DLGAP4: variants seen among roughly 807,000 people sequenced by gnomAD.
The protein encoded by DLGAP4 is disks large-associated protein 4.
A neutral mutation model predicts 86.9 loss-of-function variants in DLGAP4; 18 were observed. That is an observed-to-expected ratio of 0.21 (90% CI 0.14 to 0.31). The LOEUF (loss-of-function observed/expected upper bound fraction) is 0.31, where lower values mean the gene tolerates loss of function less well. Among genes scored for constraint, DLGAP4 ranks in the 10% least tolerant of loss-of-function variants. The probability of loss-of-function intolerance (pLI) is 1.00; values close to 1 mark genes in which losing one functional copy is unlikely to be tolerated. For synonymous variants in DLGAP4, 548 were observed against 574.3 expected, an observed-to-expected ratio of 0.95 and a Z score of 0.65; for missense variants, 1,085 against 1,362.6, an observed-to-expected ratio of 0.80 and a Z score of 3.21.
chr20:36,375,583 T>C (rs1047999209), intron 2 of DLGAP4, among the ~76,000 whole-genome samples: 5 of 152,150 alleles, frequency 3.3e-5, no homozygotes, highest in Admixed American at 6.5e-5. Context: ...CCATCAGCGA[T>C]GACAGGTGAG....
chr20:36,526,575 G>A (rs944735196), intron 12 of DLGAP4, among the ~76,000 whole-genome samples: 4 of 152,036 alleles, frequency 2.6e-5, no homozygotes, highest in Admixed American at 6.5e-5. Flanking sequence ...GGATCTGCCC[G>A]TCCCCGCTGC....
Position 36,496,925 on chromosome 20 carries a change from G to C in DLGAP4, c.1869G>C (p.Arg623=). ...GTACCCGACCGCCCAGCGTGACACGGGGTGGAGTCGCCCCAGCCCCTGAGG... is the reference window on the plus strand; with the variant it reads ...GTACCCGACCGCCCAGCGTGACACGCGGTGGAGTCGCCCCAGCCCCTGAGG... The part of the protein sequence containing the change: ...DSSTRPPSVT[R]GGVAPAPEAP... Residue 623 remains arginine, a synonymous_variant, in exon 8 of 13, where the codon CGG becomes CGC. Transcript: ENST00000339266. 3 of 1,614,174 alleles carry C rather than the reference G, an allele frequency of 1.9e-6. No homozygotes were observed. Among genetic ancestry groups the C allele is most frequent in the Non-Finnish European group, 2.5e-6 (3 of 1,180,024 alleles).
intron 2 of DLGAP4, among the ~76,000 whole-genome samples, chr20:36,394,260 A>G (rs1334970329): frequency 1.3e-5 from 2 of 152,186 alleles, no homozygotes; most frequent in Admixed American, 1.3e-4. Flanking sequence ...GTGTGGTTAG[A>G]TGTTTATGAT....
intron 7 of DLGAP4, chr20:36,493,076 C>G (rs1456872289): frequency 6.6e-6 from 1 of 152,040 alleles, no homozygotes; most frequent in Non-Finnish European, 1.5e-5. Flanking sequence ...GTGTCTGTAC[C>G]AGAAATGAGG....
At chr20:36,499,112 G>A (rs1159624184) in intron 8 of DLGAP4, 1 of 897,898 alleles carries the variant, frequency 1.1e-6, no homozygotes, top group African/African-American at 1.7e-5. Context: ...AGGGTTCAGG[G>A]AGTGATCTTT....
intron 2 of DLGAP4, among the ~76,000 whole-genome samples, chr20:36,420,683 C>A (rs954514562): frequency 2.0e-5 from 3 of 151,920 alleles, no homozygotes; most frequent in Non-Finnish European, 4.4e-5. Context: ...ATAAAAAACA[C>A]AAAAATTAGG....
Position 36,461,490 on chromosome 20 carries a change from C to T in DLGAP4, c.1648+14553C>T, listed in dbSNP as rs966562343. 17 of 982,170 alleles carry T rather than the reference C, an allele frequency of 1.7e-5. No individual in the cohort carries two copies. The African/African-American group carries it at 2.3e-4, about 13-fold the overall frequency. The allele number at this position is 982,170 out of a possible 1,614,324, so 60.8% of individuals were successfully genotyped here. On this transcript the variant is annotated intron_variant, in intron 7 of 12. Coordinates refer to ENST00000339266, the MANE Select transcript of DLGAP4 (RefSeq NM_001365621.2). ...GGCGTACAAAACCGGAGCCTCGGGC[C>T]GGGCTGCGTGAGGGAGGAGGGTGAG...
chr20:36,309,120 C>G (rs74272534), intron 1 of DLGAP4, among the ~76,000 whole-genome samples: 8 of 152,178 alleles, frequency 5.3e-5, no homozygotes, highest in African/African-American at 1.9e-4. Flanking sequence ...TCCCCAGCCC[C>G]CTTCTCCCAC....
intron 3 of DLGAP4, among the ~76,000 whole-genome samples, chr20:36,433,909 G>A (rs2033198975): frequency 6.6e-6 from 1 of 151,584 alleles, no homozygotes; most frequent in Non-Finnish European, 1.5e-5. Flanking sequence ...GCCTCCCAAA[G>A]TGCAGGGATT....
intron 10 of DLGAP4, among the ~76,000 whole-genome samples, chr20:36,513,985 C>T (rs116684803): frequency 0.017 from 2,537 of 152,200 alleles, 71 homozygotes; most frequent in African/African-American, 0.058. Flanking sequence ...AAGATTCTAT[C>T]TGGGAGTCAC....
intron 1 of DLGAP4, among the ~76,000 whole-genome samples, chr20:36,324,514 G>A (rs782793096): frequency 6.6e-6 from 1 of 152,172 alleles, no homozygotes. Context: ...CTGGTGTGAG[G>A]TAGGGGTCAA....
In DLGAP4 at chr20:36,426,648, G is replaced by A. The variant is rs557045239; in HGVS notation, c.-72-4998G>A. ...ATGGTTTTGGAAATAGATCATAGTG[G>A]TGGTTACACAACATTGTGAGTGTCC... On this transcript the variant is annotated intron_variant, in intron 2 of 12. Transcript: ENST00000339266. Among the ~76,000 whole-genome samples the A allele has an allele frequency of 7.4e-4, 113 of 152,292 alleles. No homozygotes were observed. In the South Asian group the frequency reaches 0.023, roughly 31 times the overall value.
At chr20:36,499,350 T>TGCCCCCCCCC in intron 8 of DLGAP4, 11 of 1,544,966 alleles carry the variant, frequency 7.1e-6, no homozygotes, top group East Asian at 4.9e-5. Flanking sequence ...CTCCACCCCA[T>TGCCCCCCCCC]CCCACCTCCC....
chr20:36,427,518 G>GGAAA (rs1285870867), intron 2 of DLGAP4, among the ~76,000 whole-genome samples: 2 of 151,360 alleles, frequency 1.3e-5, no homozygotes, highest in Non-Finnish European at 2.9e-5. Context: ...AAGGAAGGAA[G>GGAAA]GAAGGAAGGA....
At chr20:36,482,645 C>T (rs565906788) in intron 7 of DLGAP4, among the ~76,000 whole-genome samples, 2 of 152,192 alleles carry the variant, frequency 1.3e-5, no homozygotes, top group Non-Finnish European at 1.5e-5. Context: ...CTTACTAGCA[C>T]CTGCTTCTCG....
At chr20:36,509,939 C>A (rs563021743) in intron 10 of DLGAP4, among the ~76,000 whole-genome samples, 2 of 152,138 alleles carry the variant, frequency 1.3e-5, no homozygotes, top group Non-Finnish European at 2.9e-5. Context: ...TCACTGCAAC[C>A]TCTGCCTCCC....
intron 2 of DLGAP4, among the ~76,000 whole-genome samples, chr20:36,387,194 A>G (rs1245897169): frequency 6.6e-6 from 1 of 152,188 alleles, no homozygotes; most frequent in Non-Finnish European, 1.5e-5. Context: ...CAGTTGATTC[A>G]TCGCTCTTTA....
At chr20:36,419,894 T>G (rs1224944255) in intron 2 of DLGAP4, among the ~76,000 whole-genome samples, 1 of 152,160 alleles carries the variant, frequency 6.6e-6, no homozygotes, top group Non-Finnish European at 1.5e-5. Flanking sequence ...GGGAGAGGGG[T>G]GTACACAAGG....
intron 10 of DLGAP4, among the ~76,000 whole-genome samples, chr20:36,523,041 A>G (rs187725203): frequency 7.4e-6 from 1 of 135,894 alleles, no homozygotes; most frequent in East Asian, 1.9e-4. Context: ...ATGGACTTTT[A>G]TACCCCGTGG....
Sources: gnomAD v4.1 joint callset for allele counts (sites outside exome capture counted in the v4.1 genomes callset) on GRCh38, gnomAD v4.1.1 for gene constraint, MANE v1.5 for transcripts, NCBI Gene and HGNC (gene_info 2026-07-23, HGNC 2026-07-21) for gene names.